THEMIS: variants seen among roughly 807,000 people sequenced by gnomAD.
The protein encoded by THEMIS is protein THEMIS.
Under a neutral mutation model 52.6 loss-of-function variants are expected in THEMIS, and 37 were observed. That is an observed-to-expected ratio of 0.70 (90% confidence interval 0.54 to 0.93). The LOEUF is 0.93. Ranked by LOEUF, THEMIS falls within the 40% of genes least tolerant of loss-of-function variation. THEMIS has a pLI of 0.00. For missense variants in THEMIS, 808 were observed against 763.1 expected (o/e 1.06, Z -0.69); for synonymous variants, 292 against 272.7 (o/e 1.07, Z -0.70).
rs569169416 is a variant in THEMIS, at chr6:127,873,757, T to C, written c.92-18569A>G. Among the ~76,000 whole-genome samples, 23 of 152,314 alleles carry C rather than the reference T, an allele frequency of 1.5e-4. No individual in the cohort carries two copies. The South Asian group carries it at 4.8e-3, about 32-fold the overall frequency. ...AGCATTCCCAATAACATAAAGTCAA[T>C]TAACACATATTTTGTATGTTATGTG... On this transcript the variant is annotated intron_variant, in intron 1 of 5. Transcript: ENST00000368248.
chr6:127,913,019 G>A (rs149324673), intron 1 of THEMIS, among the ~76,000 whole-genome samples: 243 of 152,258 alleles, frequency 1.6e-3, no homozygotes, highest in Non-Finnish European at 2.7e-3. Flanking sequence ...AGAAAAGATT[G>A]TTATGAATTA....
chr6:127,785,425 C>T (rs1325152305), intron 4 of THEMIS, among the ~76,000 whole-genome samples: 4 of 151,304 alleles, frequency 2.6e-5, no homozygotes, highest in Non-Finnish European at 5.9e-5. Context: ...TGTAACAAAC[C>T]TGCACGTTGT....
chr6:127,762,399 T>C (rs1040727607), intron 4 of THEMIS, among the ~76,000 whole-genome samples: 8 of 152,096 alleles, frequency 5.3e-5, no homozygotes, highest in African/African-American at 1.9e-4. Flanking sequence ...CATGTCTTCT[T>C]ACCAGAACTG....
chr6:127,843,405 G>A (rs1779115907), intron 2 of THEMIS, among the ~76,000 whole-genome samples: 1 of 151,636 alleles, frequency 6.6e-6, no homozygotes, highest in African/African-American at 2.4e-5. Context: ...TTGAAATGTG[G>A]CTACTTGAAT....
chr6:127,716,406 GA>G (rs897129809), intron 5 of THEMIS, among the ~76,000 whole-genome samples: 14 of 151,776 alleles, frequency 9.2e-5, no homozygotes, highest in Admixed American at 2.6e-4. Flanking sequence ...GCCCTTGGCT[GA>G]AAAAAAGCCA....
chr6:127,759,688 T>A (rs918411674), intron 4 of THEMIS, among the ~76,000 whole-genome samples: 1 of 152,152 alleles, frequency 6.6e-6, no homozygotes, highest in African/African-American at 2.4e-5. Context: ...GCTACATCCC[T>A]AGTCCAAGTC....
chr6:127,798,761 C>CG (rs1391682848), intron 4 of THEMIS, among the ~76,000 whole-genome samples: 2 of 151,894 alleles, frequency 1.3e-5, no homozygotes, highest in African/African-American at 2.4e-5. Flanking sequence ...GAGGCCGAGG[C>CG]GGGCGGATCA....
chr6:127,819,998 T>A (rs1194837473), intron 3 of THEMIS, among the ~76,000 whole-genome samples: 1 of 152,150 alleles, frequency 6.6e-6, no homozygotes, highest in Admixed American at 6.5e-5. Context: ...TGAATGACAG[T>A]ACTGTTTTAA....
intron 4 of THEMIS, among the ~76,000 whole-genome samples, chr6:127,809,784 T>C (rs1583301540): frequency 6.6e-6 from 1 of 151,384 alleles, no homozygotes; most frequent in Non-Finnish European, 1.5e-5. Context: ...CATAATGGAA[T>C]ATAAGTCTGC....
chr6:127,766,935 A>T lies in THEMIS; in HGVS notation c.1758+45948T>A, dbSNP rs114968885. ...TATAAACACTGTAAACTTTGGCTAC[A>T]TTCAGTGTATTAAAAAAATTTCTTT... is the stretch of plus-strand genomic sequence containing the variant. On this transcript the variant is annotated intron_variant, in intron 4 of 5. Transcript: ENST00000368248. Among the ~76,000 whole-genome samples the T allele has an allele frequency of 3.6e-3, 543 of 152,280 alleles. 2 individuals carry two copies. The highest frequency in any genetic ancestry group is 0.012 in the African/African-American group (512 of 41,552).
intron 1 of THEMIS, among the ~76,000 whole-genome samples, chr6:127,867,211 T>C (rs931277153): frequency 3.9e-5 from 6 of 152,048 alleles, no homozygotes; most frequent in African/African-American, 9.7e-5. Context: ...TCAACTGATA[T>C]GTTTGATTAT....
rs1197745825 is a variant in THEMIS at position 127,813,366 on chromosome 6, C to T, written c.1275G>A (p.Leu425=). ...AACCTCCTTCCATGTACAAAGGGAG[C>T]AGCGCAGCCTCATAGGACTTTTTGA... ...KILKKSYEAA[L]LPLYMEGGFV... is the part of the protein sequence containing the mutation. Residue 425 remains leucine, a synonymous_variant, in exon 4 of 6, where the codon CTG becomes CTA. Coordinates refer to ENST00000368248, the MANE Select transcript of THEMIS (RefSeq NM_001010923.3). The T allele has an allele frequency of 1.2e-6, 2 of 1,613,886 alleles. No individual in the cohort carries two copies. Among genetic ancestry groups the T allele is most frequent in the Non-Finnish European group, 1.7e-6 (2 of 1,179,980 alleles).
At chr6:127,857,865 G>A (rs866539151) in intron 1 of THEMIS, among the ~76,000 whole-genome samples, 20 of 152,098 alleles carry the variant, frequency 1.3e-4, no homozygotes, top group African/African-American at 4.6e-4. Context: ...AATGTGTTAA[G>A]CAGAGAAAGC....
intron 4 of THEMIS, among the ~76,000 whole-genome samples, chr6:127,780,080 T>C (rs995024238): frequency 2.0e-5 from 3 of 152,220 alleles, no homozygotes; most frequent in Middle Eastern, 3.2e-3. Flanking sequence ...ATCTGGGTGA[T>C]CCTGTATTGG....
intron 5 of THEMIS, among the ~76,000 whole-genome samples, chr6:127,713,402 C>T (rs1420947431): frequency 6.6e-6 from 1 of 151,796 alleles, no homozygotes; most frequent in African/African-American, 2.4e-5. Context: ...GTCTGGGGTT[C>T]ATTTTTGTAT....
intron 4 of THEMIS, among the ~76,000 whole-genome samples, chr6:127,801,932 G>T (rs2114564628): frequency 6.6e-6 from 1 of 152,272 alleles, no homozygotes; most frequent in East Asian, 1.9e-4. Context: ...ACAGGCATGG[G>T]AATGGATATT....
At chr6:127,868,520 T>C in intron 1 of THEMIS, 1 of 976,898 alleles carries the variant, frequency 1.0e-6, no homozygotes, top group Non-Finnish European at 1.2e-6. Context: ...TGGTTACAGA[T>C]GTGCCAACAT....
At chr6:127,857,339 A>G (rs891456098) in intron 1 of THEMIS, among the ~76,000 whole-genome samples, 6 of 152,006 alleles carry the variant, frequency 3.9e-5, no homozygotes, top group Non-Finnish European at 8.8e-5. Context: ...AGGAAGAGTC[A>G]CAGGACACCA....
At chr6:127,726,835 C>T (rs1312000439) in intron 4 of THEMIS, among the ~76,000 whole-genome samples, 1 of 152,182 alleles carries the variant, frequency 6.6e-6, no homozygotes, top group Non-Finnish European at 1.5e-5. Flanking sequence ...CAATGTGCTT[C>T]TTGCTACTCT....
Sources: allele counts gnomAD v4.1 joint callset (sites outside exome capture counted in the v4.1 genomes callset), GRCh38; gene constraint gnomAD v4.1.1; transcripts MANE v1.5; gene names NCBI Gene and HGNC (gene_info 2026-07-23, HGNC 2026-07-21).